CDH12: variants seen among roughly 807,000 people sequenced by gnomAD.
CDH12 encodes cadherin 12, also known as cadherin-12.
A neutral mutation model predicts 74.1 loss-of-function variants in CDH12; 41 were observed. The observed-to-expected ratio is 0.55, with a 90% CI of 0.43 to 0.72. CDH12 has a LOEUF of 0.72. Ranked by LOEUF, CDH12 falls within the 30% of genes least tolerant of loss-of-function variation. The pLI, the probability that CDH12 is intolerant of heterozygous loss-of-function variation, is 0.00. For missense variants in CDH12, 945 were observed against 977.2 expected, an observed-to-expected ratio of 0.97 and a Z score of 0.44; for synonymous variants, 399 against 355.0, an observed-to-expected ratio of 1.12 and a Z score of -1.39.
chr5:22,570,297 C>T (rs949141738), intron 1 of CDH12, among the ~76,000 whole-genome samples: 4 of 152,016 alleles, frequency 2.6e-5, no homozygotes, highest in Non-Finnish European at 5.9e-5. Flanking sequence ...GATCCTCCTG[C>T]CTCGGCCTCC....
At chr5:22,696,592 C>G (rs1294585462) in intron 1 of CDH12, among the ~76,000 whole-genome samples, 2 of 151,972 alleles carry the variant, frequency 1.3e-5, no homozygotes, top group African/African-American at 2.4e-5. Flanking sequence ...TTTGTACATT[C>G]ATCAGAATAT....
intron 2 of CDH12, among the ~76,000 whole-genome samples, chr5:22,456,944 C>T (rs1745300471): frequency 6.6e-6 from 1 of 151,644 alleles, no homozygotes; most frequent in Admixed American, 6.6e-5. Context: ...CTGAATTATT[C>T]ATGGTTTTTT....
At chr5:22,578,361 A>G (rs1739899669) in intron 1 of CDH12, among the ~76,000 whole-genome samples, 1 of 139,492 alleles carries the variant, frequency 7.2e-6, no homozygotes, top group Non-Finnish European at 1.5e-5. Flanking sequence ...TGAACTATTA[A>G]TATTTTAAAC....
intron 6 of CDH12, among the ~76,000 whole-genome samples, chr5:21,925,099 T>G (rs537463147): frequency 3.3e-5 from 5 of 152,272 alleles, no homozygotes; most frequent in African/African-American, 1.2e-4. Context: ...AGCTACAGCG[T>G]TACTACAGCA....
rs149501543 is a variant in CDH12 at position 22,624,269 on chromosome 5, A to G, written c.-522-118905T>C. Among the ~76,000 whole-genome samples the G allele has an allele frequency of 3.1e-3, 465 of 152,330 alleles. 2 individuals are homozygous for G. Among genetic ancestry groups the G allele is most frequent in the Non-Finnish European group, 4.8e-3 (324 of 68,026 alleles). On this transcript the variant is annotated intron_variant, in intron 1 of 14. Transcript: ENST00000382254. Reference sequence around the variant, plus strand: ...GGCATGGGCAAGTATTTCATGTCTAAAACACCAAAAGCAAAGGTAACGAAA... The same window carrying G: ...GGCATGGGCAAGTATTTCATGTCTAGAACACCAAAAGCAAAGGTAACGAAA...
intron 7 of CDH12, among the ~76,000 whole-genome samples, chr5:21,848,447 T>C (rs759763167): frequency 2.0e-5 from 3 of 152,054 alleles, no homozygotes; most frequent in Non-Finnish European, 4.4e-5. Context: ...ATAGCTCAGT[T>C]ACATTACAGT....
intron 6 of CDH12, among the ~76,000 whole-genome samples, chr5:21,894,126 C>T (rs1236821999): frequency 6.6e-6 from 1 of 152,030 alleles, no homozygotes; most frequent in African/African-American, 2.4e-5. Flanking sequence ...TGCCTGTAAT[C>T]CCAGCACTTT....
intron 1 of CDH12, among the ~76,000 whole-genome samples, chr5:22,664,853 TA>T (rs1339226196): frequency 1.3e-5 from 2 of 152,224 alleles, no homozygotes; most frequent in African/African-American, 4.8e-5. Context: ...AACAATTTAT[TA>T]TATTTCATTT....
chr5:22,444,749 A>G (rs1319079074), intron 2 of CDH12, among the ~76,000 whole-genome samples: 3 of 152,072 alleles, frequency 2.0e-5, no homozygotes, highest in African/African-American at 7.2e-5. Flanking sequence ...AATTATATGG[A>G]GGAATATTTC....
intron 1 of CDH12, among the ~76,000 whole-genome samples, chr5:22,841,210 A>G (rs2126522522): frequency 6.6e-6 from 1 of 152,310 alleles, no homozygotes; most frequent in East Asian, 1.9e-4. Flanking sequence ...AGAGCAACAG[A>G]TGAAAATTGG....
intron 3 of CDH12, among the ~76,000 whole-genome samples, chr5:22,336,206 A>G (rs1389357686): frequency 6.6e-6 from 1 of 152,222 alleles, no homozygotes; most frequent in African/African-American, 2.4e-5. Context: ...CAAATCATTC[A>G]AGAGGTGACT....
At chr5:21,834,822 T>C (rs1319380185) in intron 8 of CDH12, among the ~76,000 whole-genome samples, 2 of 151,994 alleles carry the variant, frequency 1.3e-5, no homozygotes, top group Non-Finnish European at 2.9e-5. Context: ...CACCATCCCT[T>C]CAACCTCAAT....
intron 6 of CDH12, among the ~76,000 whole-genome samples, chr5:21,957,867 T>C (rs1022327594): frequency 4.6e-5 from 7 of 152,136 alleles, no homozygotes; most frequent in Non-Finnish European, 8.8e-5. Context: ...CTGTAGGTTG[T>C]CTGTTTATTT....
intron 4 of CDH12, among the ~76,000 whole-genome samples, chr5:22,115,529 A>T (rs1745038013): frequency 1.3e-5 from 2 of 152,062 alleles, no homozygotes; most frequent in Non-Finnish European, 2.9e-5. Flanking sequence ...CCATTCATAA[A>T]ATATACATTG....
At chr5:22,619,173 T>C (rs941014922) in intron 1 of CDH12, among the ~76,000 whole-genome samples, 10 of 152,276 alleles carry the variant, frequency 6.6e-5, no homozygotes, top group South Asian at 2.1e-4. Context: ...TGAGGACTTT[T>C]GTTCATTTGT....
intron 3 of CDH12, among the ~76,000 whole-genome samples, chr5:22,257,468 TTTTATTTTTTATTTTTA>T (rs1753359477): frequency 3.5e-5 from 5 of 142,392 alleles, no homozygotes; most frequent in Middle Eastern, 3.6e-3. Flanking sequence ...AGGTTGCAAT[TTTTATTTTTTATTTTTA>T]TTTATTTATT....
intron 1 of CDH12, among the ~76,000 whole-genome samples, chr5:22,636,475 T>C (rs1738847441): frequency 6.6e-6 from 1 of 152,212 alleles, no homozygotes; most frequent in Non-Finnish European, 1.5e-5. Flanking sequence ...CAATGGCGTA[T>C]TCTTTAGTAA....
chr5:21,812,565 C>G (rs1747806837), intron 9 of CDH12, among the ~76,000 whole-genome samples: 1 of 152,030 alleles, frequency 6.6e-6, no homozygotes, highest in Non-Finnish European at 1.5e-5. Context: ...CAAAAGCATT[C>G]TGTACTTAAA....
At chr5:22,023,318 C>T (rs747226673) in intron 5 of CDH12, among the ~76,000 whole-genome samples, 1 of 151,998 alleles carries the variant, frequency 6.6e-6, no homozygotes, top group African/African-American at 2.4e-5. Context: ...TTTTAATACC[C>T]TGTTATTTCT....
Sources: allele counts gnomAD v4.1 joint callset (sites outside exome capture counted in the v4.1 genomes callset), GRCh38; gene constraint gnomAD v4.1.1; transcripts MANE v1.5; gene names NCBI Gene and HGNC (gene_info 2026-07-23, HGNC 2026-07-21).